Variants in SYNE1 observed in about 807,000 individuals in gnomAD.
SYNE1 encodes the protein spectrin repeat containing nuclear envelope protein 1, also known as nesprin-1.
A neutral mutation model predicts 1,111.0 loss-of-function variants in SYNE1; 616 were observed. That is an observed-to-expected ratio of 0.55 (90% confidence interval 0.52 to 0.59). The LOEUF (loss-of-function observed/expected upper bound fraction) is 0.59, where lower values mean the gene tolerates loss of function less well. Among genes scored for constraint, SYNE1 ranks in the 20% least tolerant of loss-of-function variants. The pLI is 0.00. For synonymous variants in SYNE1, 3,855 were observed against 3,825.8 expected (o/e 1.01, Z -0.28); for missense variants, 10,006 against 10,417.0 (o/e 0.96, Z 1.72).
chr6:152,135,381 T>C lies in SYNE1; in HGVS notation c.25660-149A>G, dbSNP rs1188890090. On this transcript the variant is annotated intron_variant, in intron 141 of 145. Transcript: ENST00000367255. ...TCTGAGGAAGGCACTGGTGCTGTTGTAATGACCTGATCGTGAGTTCACGTT... is the reference window on the plus strand; with the variant it reads ...TCTGAGGAAGGCACTGGTGCTGTTGCAATGACCTGATCGTGAGTTCACGTT... 4.7e-6 allele frequency: 4 copies of C among 844,476 alleles called. No individual in the cohort carries two copies. The African/African-American group carries it at 6.8e-5, about 14-fold the overall frequency. 52.3% of individuals were successfully genotyped at this position (844,476 alleles called of 1,614,324 possible).
chr6:152,336,640 C>T (rs1466287867), intron 76 of SYNE1: 1 of 672,096 alleles, frequency 1.5e-6, no homozygotes, highest in Non-Finnish European at 2.6e-6. Context: ...TCGCCTCCCA[C>T]TGTGCGGCCA....
intron 3 of SYNE1, among the ~76,000 whole-genome samples, chr6:152,561,460 T>C (rs76069926): frequency 0.019 from 2,919 of 152,268 alleles, 106 homozygotes; most frequent in African/African-American, 0.067. Context: ...TTTCCTTTTA[T>C]GGATCACAAG....
chr6:152,359,215 T>G, intron 65 of SYNE1, 100 bp downstream of exon 65: 1 of 1,546,128 alleles, frequency 6.5e-7, no homozygotes, highest in Non-Finnish European at 8.9e-7. Context: ...TGTTCTGTTT[T>G]CCCAAGCCTG....
At chr6:152,411,676 T>G (rs2098046832) in intron 42 of SYNE1, among the ~76,000 whole-genome samples, 2 of 151,580 alleles carry the variant, frequency 1.3e-5, no homozygotes, top group African/African-American at 2.4e-5. Context: ...GCCTATGAGT[T>G]AGTTAGTCCT....
At chr6:152,636,556 T>G (rs1290407140) in intron 2 of SYNE1, 82 bp downstream of exon 2, 1 of 153,068 alleles carries the variant, frequency 6.5e-6, no homozygotes, top group Non-Finnish European at 1.5e-5. Flanking sequence ...ACAATTTGTC[T>G]GCAATGTGTT....
intron 131 of SYNE1, among the ~76,000 whole-genome samples, chr6:152,163,343 A>T (rs2062922726): frequency 1.3e-5 from 2 of 152,088 alleles, no homozygotes; most frequent in South Asian, 4.2e-4. Context: ...TATTAACAAT[A>T]CAAAAATTAG....
intron 15 of SYNE1, 122 bp from the exon 16 acceptor site, chr6:152,471,887 G>T: frequency 9.9e-7 from 1 of 1,005,378 alleles, no homozygotes; most frequent in Non-Finnish European, 1.5e-6. Context: ...AACTCTGGCT[G>T]ATCATTTTCT....
rs1486999623 is a variant in SYNE1, at chr6:152,376,903, C to T, written c.9019G>A (p.Asp3007Asn). 2 of 1,613,746 alleles carry T rather than the reference C, an allele frequency of 1.2e-6. No individual in the cohort carries two copies. The highest frequency in any genetic ancestry group is 2.7e-5 in the African/African-American group (2 of 74,904). ...CTAGGCTCTGCTTTTTGCAAAGCAT[C>T]CAGTATCTCCTGTTCAGAAATAATG... ...ECWHKGQEIL[D>N]ALQKAEPRTE... Residue 3007 changes from aspartate to asparagine, a missense_variant, in exon 57 of 146, where the codon GAT (aspartate) becomes AAT (asparagine). Around this residue, in one of 7 missense-constraint regions of SYNE1, gnomAD observed 4,955 missense variants for 5,017.2 expected, o/e 0.99. Coordinates refer to ENST00000367255, the MANE Select transcript of SYNE1 (RefSeq NM_182961.4).
chr6:152,339,544 A>T (rs568372984), intron 74 of SYNE1, among the ~76,000 whole-genome samples, 178 bp from the exon 75 acceptor site: 1 of 152,222 alleles, frequency 6.6e-6, no homozygotes, highest in South Asian at 2.1e-4. Flanking sequence ...TAAATCACCA[A>T]TGGGGATTTA....
Position 152,139,946 on chromosome 6 carries a change from C to A in SYNE1, c.25458+4G>T. ...CCGCCGTGGGAAAGGCAAGGGGCAG[C>A]TACCTTGAGCTTTTTGATCTGGAGC... On this transcript the variant is annotated splice_donor_region_variant and intron_variant, in intron 140 of 145. Coordinates refer to ENST00000367255, the MANE Select transcript of SYNE1 (RefSeq NM_182961.4). 1 of 1,612,998 alleles carries A rather than the reference C, an allele frequency of 6.2e-7. No homozygotes were observed. Among genetic ancestry groups the A allele is most frequent in the Non-Finnish European group, 8.5e-7 (1 of 1,180,020 alleles).
rs2096230222 is a variant in SYNE1 at position 152,330,815 on chromosome 6, T to C, written c.13870A>G (p.Arg4624Gly). The C allele has an allele frequency of 6.2e-7, 1 of 1,613,986 alleles. No homozygotes were observed. ...EYENLLLTLQRTGQTILPSLN... is the reference protein window; with the variant it reads ...EYENLLLTLQGTGQTILPSLN... ...GATGGTAATATGGTCTGCCCAGTTC[T>C]CTGCAGCGTAAGTAGAAGATTTTCA... is the stretch of plus-strand genomic sequence containing the variant. The change falls in exon 78 of 146, where the codon AGA becomes GGA. Residue 4624 changes from arginine to glycine, a missense_variant. Arg to Gly is a moderately radical substitution (Grantham distance 125). This residue lies in a region of SYNE1 where 4,955 missense variants were observed against 5,017.2 expected (regional missense o/e 0.99). Transcript: ENST00000367255.
chr6:152,414,818 C>T (rs565867315), intron 41 of SYNE1, among the ~76,000 whole-genome samples: 4 of 146,256 alleles, frequency 2.7e-5, no homozygotes, highest in African/African-American at 9.9e-5. Flanking sequence ...CTGCTGGCAT[C>T]CAGGGTGAGT....
chr6:152,188,986 T>G (rs9479244), intron 128 of SYNE1, among the ~76,000 whole-genome samples: 1 of 26,208 alleles, frequency 3.8e-5, no homozygotes, highest in Non-Finnish European at 6.9e-5. Context: ...AAAAAAAAAA[T>G]ATATATATAT....
At chr6:152,542,230 G>A (rs2099274516) in intron 3 of SYNE1, among the ~76,000 whole-genome samples, 1 of 152,158 alleles carries the variant, frequency 6.6e-6, no homozygotes, top group Admixed American at 6.5e-5. Flanking sequence ...CAGCAACTTG[G>A]TTCCCAATGC....
chr6:152,347,986 G>A (rs1311409235), intron 72 of SYNE1, among the ~76,000 whole-genome samples: 5 of 151,644 alleles, frequency 3.3e-5, no homozygotes, highest in South Asian at 4.2e-4. Flanking sequence ...CACCACGCCC[G>A]GCCTGTTATT....
Position 152,396,974 on chromosome 6 carries a change from A to G in SYNE1, c.7357T>C (p.Leu2453=), listed in dbSNP as rs201692204. 7.4e-6 allele frequency: 12 copies of G among 1,614,186 alleles called. No individual in the cohort carries two copies. The highest frequency in any genetic ancestry group is 3.3e-4 in the Middle Eastern group (2 of 6,062). The change falls in exon 50 of 146, where the codon TTG becomes CTG. Residue 2453 remains leucine, a synonymous_variant. Transcript: ENST00000367255. ...EAKLHDLQNI[L]DSVSDGQSKL... ...CTCTGCCCATCACTGACTGAGTCCAAAATGTTCTGTTTCAGGAAATAAAGG... is the reference window on the plus strand; with the variant it reads ...CTCTGCCCATCACTGACTGAGTCCAGAATGTTCTGTTTCAGGAAATAAAGG...
chr6:152,447,485 GA>G lies in SYNE1; in HGVS notation c.3641del (p.Phe1214SerfsTer5), dbSNP rs1564088606. 6.2e-7 allele frequency: 1 copy of G among 1,614,208 alleles called. No individual in the cohort carries two copies. The highest frequency in any genetic ancestry group is 8.5e-7 in the Non-Finnish European group (1 of 1,180,040). Reference sequence around the variant, plus strand: ...CTGACAGCAGCGTCACAAGAGCCTTGAAAGAGCTGGATAATTTTGCCAGCTC... The same window carrying G: ...CTGACAGCAGCGTCACAAGAGCCTTGAAGAGCTGGATAATTTTGCCAGCTC... ...GDELAKLSSSFKALVTLLSEV... is the reference protein window; with the variant it reads ...GDELAKLSSSXKALVTLLSEV... On this transcript the variant is annotated frameshift_variant, in exon 29 of 146. Coordinates refer to ENST00000367255, the MANE Select transcript of SYNE1 (RefSeq NM_182961.4). LOFTEE classifies it high-confidence loss of function.
At chr6:152,279,521 G>A (rs1280916063) in intron 97 of SYNE1, among the ~76,000 whole-genome samples, 1 of 151,614 alleles carries the variant, frequency 6.6e-6, no homozygotes, top group Non-Finnish European at 1.5e-5. Context: ...TTTGAGACCA[G>A]CCTGGGCAAC....
At chr6:152,223,980 A>C (rs1231978073) in intron 117 of SYNE1, among the ~76,000 whole-genome samples, 1 of 152,248 alleles carries the variant, frequency 6.6e-6, no homozygotes, top group Non-Finnish European at 1.5e-5. Flanking sequence ...GGACACAATG[A>C]CAAAGGACCC....
Sources: allele counts gnomAD v4.1 joint callset (sites outside exome capture counted in the v4.1 genomes callset), GRCh38; gene constraint gnomAD v4.1.1; regional missense constraint gnomAD v4.1.1; transcripts MANE v1.5; gene names NCBI Gene and HGNC (gene_info 2026-07-23, HGNC 2026-07-21).